HIVEP2: variants seen among roughly 807,000 people sequenced by gnomAD.
HIVEP2 encodes the protein transcription factor HIVEP2.
HIVEP2 carries 14 observed loss-of-function variants against 180.7 expected under a neutral mutation model. That is an observed-to-expected ratio of 0.08 (90% CI 0.05 to 0.12). HIVEP2 has a LOEUF of 0.12. HIVEP2 is among the 10% of genes least tolerant of loss of function. The pLI is 1.00. For synonymous variants in HIVEP2, 1,184 were observed against 1,136.4 expected, an observed-to-expected ratio of 1.04 and a Z score of -0.84; for missense variants, 2,579 against 3,008.5, an observed-to-expected ratio of 0.86 and a Z score of 3.34.
intron 1 of HIVEP2, among the ~76,000 whole-genome samples, chr6:142,941,912 G>A (rs919152311): frequency 6.6e-6 from 1 of 152,100 alleles, no homozygotes; most frequent in Non-Finnish European, 1.5e-5. Flanking sequence ...AGAGAGTTCC[G>A]CTGATGCTGA....
intron 1 of HIVEP2, among the ~76,000 whole-genome samples, chr6:142,876,430 A>G (rs558162555): frequency 4.3e-4 from 65 of 152,208 alleles, no homozygotes; most frequent in African/African-American, 1.5e-3. Flanking sequence ...AAAGAGAGTT[A>G]TTGTAAAATT....
At chr6:142,759,195 C>A (rs530768978) in intron 9 of HIVEP2, among the ~76,000 whole-genome samples, 2 of 151,784 alleles carry the variant, frequency 1.3e-5, no homozygotes, top group Non-Finnish European at 2.9e-5. Context: ...CCCAGCTTCT[C>A]GGGAGGCTGA....
At chr6:142,941,414 T>G (rs980079888) in intron 1 of HIVEP2, among the ~76,000 whole-genome samples, 7 of 152,258 alleles carry the variant, frequency 4.6e-5, no homozygotes, top group African/African-American at 1.4e-4. Flanking sequence ...AAAGCAATGC[T>G]TTTGATTGTG....
chr6:142,920,463 CCA>C (rs1467762888), intron 1 of HIVEP2, among the ~76,000 whole-genome samples: 14 of 152,156 alleles, frequency 9.2e-5, no homozygotes, highest in Non-Finnish European at 1.9e-4. Flanking sequence ...AACCAAGACC[CCA>C]TGATTCTTAT....
At chr6:142,883,820 CA>C (rs1467216656) in intron 1 of HIVEP2, among the ~76,000 whole-genome samples, 1 of 152,114 alleles carries the variant, frequency 6.6e-6, no homozygotes, top group Non-Finnish European at 1.5e-5. Flanking sequence ...ACTAATAACT[CA>C]AAACTCACAG....
chr6:142,938,030 T>G (rs1423687460), intron 1 of HIVEP2, among the ~76,000 whole-genome samples: 2 of 152,196 alleles, frequency 1.3e-5, no homozygotes, highest in Non-Finnish European at 2.9e-5. Context: ...ATAATGACAT[T>G]GCATTCTCTA....
chr6:142,865,025 CAGCAAG>C (rs1776101636), intron 1 of HIVEP2, among the ~76,000 whole-genome samples: 1 of 152,158 alleles, frequency 6.6e-6, no homozygotes, highest in African/African-American at 2.4e-5. Context: ...TAGTTTCCTC[CAGCAAG>C]AGATTTATTA....
Position 142,770,474 on chromosome 6 carries a change from G to A in HIVEP2, c.4265C>T (p.Pro1422Leu). 1 of 1,614,186 alleles carries A rather than the reference G, an allele frequency of 6.2e-7. No homozygotes were observed. The highest frequency in any genetic ancestry group is 8.5e-7 in the Non-Finnish European group (1 of 1,180,048). Residue 1422 changes from proline to leucine, a missense_variant, in exon 5 of 10, where the codon CCC (proline) becomes CTC (leucine). Pro to Leu is a moderately conservative substitution (Grantham distance 98, BLOSUM62 -3). This residue lies in a region of HIVEP2 where 523 missense variants were observed against 577.0 expected (regional missense o/e 0.91). Coordinates refer to ENST00000367603, the MANE Select transcript of HIVEP2 (RefSeq NM_006734.4). The surrounding 1 kb of genome is among the most constrained non-coding windows in gnomAD (Gnocchi z 4.7). ...TLPLGLESSIPLCLPSTSDSV... is the reference protein window; with the variant it reads ...TLPLGLESSILLCLPSTSDSV... Reference sequence around the variant, plus strand: ...GTCAGAGGTGGAAGGTAAACACAAGGGGATGGAGGATTCTAAGCCGAGGGG... The same window carrying A: ...GTCAGAGGTGGAAGGTAAACACAAGAGGATGGAGGATTCTAAGCCGAGGGG...
chr6:142,870,331 T>C (rs949855297), intron 1 of HIVEP2, among the ~76,000 whole-genome samples: 2 of 152,178 alleles, frequency 1.3e-5, no homozygotes, highest in African/African-American at 4.8e-5. Flanking sequence ...TGAGGCTCAG[T>C]ATACATATCT....
At chr6:142,942,050 T>G (rs1348636293) in intron 1 of HIVEP2, among the ~76,000 whole-genome samples, 4 of 152,204 alleles carry the variant, frequency 2.6e-5, no homozygotes, top group African/African-American at 9.6e-5. Flanking sequence ...TACATGTCAG[T>G]TATTAAATTA....
intron 1 of HIVEP2, among the ~76,000 whole-genome samples, chr6:142,930,482 C>CGATT (rs1414890411): frequency 6.6e-6 from 1 of 151,954 alleles, no homozygotes; most frequent in Non-Finnish European, 1.5e-5. Flanking sequence ...TGCCTCAATC[C>CGATT]CTTCAAGGCT....
intron 1 of HIVEP2, among the ~76,000 whole-genome samples, chr6:142,888,621 A>G (rs1776771154): frequency 6.6e-6 from 1 of 152,170 alleles, no homozygotes; most frequent in African/African-American, 2.4e-5. Flanking sequence ...ACACATACAT[A>G]TTCAACCTTT....
rs911059896 is a variant in HIVEP2 at position 142,936,395 on chromosome 6, T to A, written c.-641+8704A>T. On this transcript the variant is annotated intron_variant, in intron 1 of 9. Coordinates refer to ENST00000367603, the MANE Select transcript of HIVEP2 (RefSeq NM_006734.4). ...TTAGTAGAGATGGGGTTTCATCATA[T>A]TGGCCATGCTGATCTCGAACTCCTG... Among the ~76,000 whole-genome samples, 84 of 151,880 alleles carry A rather than the reference T, an allele frequency of 5.5e-4. 3 individuals carry two copies. The highest frequency in any genetic ancestry group is 1.5e-5 in the Non-Finnish European group (1 of 67,980).
intron 1 of HIVEP2, among the ~76,000 whole-genome samples, chr6:142,885,872 C>T (rs553070346): frequency 6.6e-5 from 10 of 152,278 alleles, no homozygotes; most frequent in African/African-American, 2.4e-4. Flanking sequence ...CTATTTTATT[C>T]ACTTTCTCCT....
chr6:142,909,536 A>C lies in HIVEP2; in HGVS notation c.-641+35563T>G, dbSNP rs141027030. Among the ~76,000 whole-genome samples the C allele has an allele frequency of 5.6e-3, 847 of 152,316 alleles. 5 individuals are homozygous for C. Among genetic ancestry groups the C allele is most frequent in the South Asian group, 0.022 (108 of 4,820 alleles). On this transcript the variant is annotated intron_variant, in intron 1 of 9. Coordinates refer to ENST00000367603, the MANE Select transcript of HIVEP2 (RefSeq NM_006734.4). ...GAATGAATATATATTAAGCATGTTT[A>C]ATAAGGCTTTATACACCAACATTTT...
intron 1 of HIVEP2, among the ~76,000 whole-genome samples, chr6:142,908,975 C>T (rs1777335424): frequency 6.6e-6 from 1 of 150,870 alleles, no homozygotes; most frequent in Non-Finnish European, 1.5e-5. Flanking sequence ...TCAAAAATAA[C>T]TTTCCTTTTT....
intron 1 of HIVEP2, among the ~76,000 whole-genome samples, chr6:142,861,153 A>G (rs892494233): frequency 1.3e-5 from 2 of 152,188 alleles, no homozygotes; most frequent in African/African-American, 2.4e-5. Flanking sequence ...GCTGAGGCTC[A>G]TTCACAAAGG....
At chr6:142,863,222 C>T (rs1203283326) in intron 1 of HIVEP2, among the ~76,000 whole-genome samples, 1 of 150,192 alleles carries the variant, frequency 6.7e-6, no homozygotes, top group African/African-American at 2.4e-5. Flanking sequence ...CCAGAGTACA[C>T]CACAAAATTT....
At chr6:142,918,352 A>AT (rs375530932) in intron 1 of HIVEP2, among the ~76,000 whole-genome samples, 1 of 152,058 alleles carries the variant, frequency 6.6e-6, no homozygotes, top group African/African-American at 2.4e-5. Context: ...AGCCCTATTT[A>AT]TTTTTTTCTA....
Sources: allele counts gnomAD v4.1 joint callset (sites outside exome capture counted in the v4.1 genomes callset), GRCh38; gene constraint gnomAD v4.1.1; regional missense constraint gnomAD v4.1.1; non-coding constraint Gnocchi (gnomAD v3.1); transcripts MANE v1.5; gene names NCBI Gene and HGNC (gene_info 2026-07-23, HGNC 2026-07-21).